The following RIMBP2 variants were observed in gnomAD, a reference collection of about 807,000 sequenced individuals.
The protein encoded by RIMBP2 is RIMS-binding protein 2.
Under a neutral mutation model 118.6 loss-of-function variants are expected in RIMBP2, and 48 were observed. That is an observed-to-expected ratio of 0.40 (90% CI 0.32 to 0.51). RIMBP2 has a LOEUF of 0.51. Among genes scored for constraint, RIMBP2 ranks in the 20% least tolerant of loss-of-function variants. The probability of loss-of-function intolerance (pLI) is 0.41; values close to 1 mark genes in which losing one functional copy is unlikely to be tolerated. For synonymous variants in RIMBP2, 762 were observed against 742.9 expected, an observed-to-expected ratio of 1.03 and a Z score of -0.42; for missense variants, 1,551 against 1,768.3, an observed-to-expected ratio of 0.88 and a Z score of 2.20.
intron 1 of RIMBP2, among the ~76,000 whole-genome samples, chr12:130,690,435 G>A (rs1000530823): frequency 6.6e-6 from 1 of 152,188 alleles, no homozygotes; most frequent in Non-Finnish European, 1.5e-5. Context: ...TTGCCACCAT[G>A]AGGCAAGGAC....
At chr12:130,516,801 T>C (rs2051511449) in intron 3 of RIMBP2, among the ~76,000 whole-genome samples, 1 of 152,054 alleles carries the variant, frequency 6.6e-6, no homozygotes, top group South Asian at 2.1e-4. Flanking sequence ...TGGAAGGCAT[T>C]GGAAGGGTCA....
intron 3 of RIMBP2, among the ~76,000 whole-genome samples, chr12:130,510,108 C>T (rs1403501716): frequency 1.3e-5 from 2 of 152,208 alleles, no homozygotes; most frequent in South Asian, 2.1e-4. Context: ...CTCCAACCTG[C>T]GGACAGGCTG....
rs571112269 is a variant in RIMBP2 at position 130,655,861 on chromosome 12, C to T, written c.-351-27405G>A. On this transcript the variant is annotated intron_variant, in intron 1 of 22. Transcript: ENST00000690449. ...AGAGCAGCTCAGGTCAAGGCACAGG[C>T]GACGGGAATGTGGGCGGAGGCACCA... Among the ~76,000 whole-genome samples, 6 of 152,260 alleles carry T rather than the reference C, an allele frequency of 3.9e-5. No homozygotes were observed. In the South Asian group the frequency reaches 6.2e-4, roughly 16 times the overall value.
Position 130,576,332 on chromosome 12 carries a change from T to A in RIMBP2, c.-217+51990A>T, listed in dbSNP as rs2058083248. Among the ~76,000 whole-genome samples the A allele has an allele frequency of 6.6e-6, 1 of 151,982 alleles. No individual in the cohort carries two copies. Among genetic ancestry groups the A allele is most frequent in the African/African-American group, 2.4e-5 (1 of 41,378 alleles). On this transcript the variant is annotated intron_variant, in intron 2 of 22. Coordinates refer to ENST00000690449, the MANE Select transcript of RIMBP2 (RefSeq NM_001393629.1). The surrounding 1 kb of genome is among the most constrained non-coding windows in gnomAD (Gnocchi z 4.2). Reference sequence around the variant, plus strand: ...CATGGGCATTTGCTTCCAAGAGCAATGGCCCTGCATGCTTTGAGAATCGCT... The same window carrying A: ...CATGGGCATTTGCTTCCAAGAGCAAAGGCCCTGCATGCTTTGAGAATCGCT...
chr12:130,495,272 C>T (rs1313261917), intron 4 of RIMBP2, among the ~76,000 whole-genome samples: 1 of 152,214 alleles, frequency 6.6e-6, no homozygotes, highest in Non-Finnish European at 1.5e-5. Flanking sequence ...TGGATTCATG[C>T]CTCTGGACAC....
At chr12:130,482,732 C>A (rs4759473) in intron 4 of RIMBP2, among the ~76,000 whole-genome samples, 616 of 79,122 alleles carry the variant, frequency 7.8e-3, no homozygotes, top group Middle Eastern at 0.033. Context: ...CACCTCATCC[C>A]AATACACCCA....
intron 1 of RIMBP2, among the ~76,000 whole-genome samples, chr12:130,709,740 C>T (rs1288736317): frequency 6.6e-6 from 1 of 151,916 alleles, no homozygotes; most frequent in Non-Finnish European, 1.5e-5. Flanking sequence ...CCCCTTCCCA[C>T]CCAACCCAGC....
intron 1 of RIMBP2, among the ~76,000 whole-genome samples, chr12:130,645,074 CAA>C (rs1393060667): frequency 6.6e-6 from 1 of 150,992 alleles, no homozygotes; most frequent in African/African-American, 2.5e-5. Flanking sequence ...CAGAAATAGG[CAA>C]AGACTACAAA....
chr12:130,661,205 A>G (rs897611329), intron 1 of RIMBP2, among the ~76,000 whole-genome samples: 2 of 152,118 alleles, frequency 1.3e-5, no homozygotes, highest in Non-Finnish European at 2.9e-5. Context: ...GGACTAATCT[A>G]TTGTTCCTCA....
intron 4 of RIMBP2, among the ~76,000 whole-genome samples, chr12:130,498,649 A>AC (rs1280602106): frequency 6.6e-6 from 1 of 151,656 alleles, no homozygotes; most frequent in African/African-American, 2.4e-5. Context: ...AAAAAAAAAA[A>AC]AACACTCAGT....
rs2074344013 is a variant in RIMBP2 at position 130,399,664 on chromosome 12, A to G, written c.3900+15T>C. ...AACGGGACAGAGATTAAAAAGGCTA[A>G]ATAGGTTTGCTTACCCTTTTTGCCT... On this transcript the variant is annotated intron_variant, in intron 22 of 22. Transcript: ENST00000690449. 1 of 1,613,970 alleles carries G rather than the reference A, an allele frequency of 6.2e-7. No homozygotes were observed. Among genetic ancestry groups the G allele is most frequent in the African/African-American group, 1.3e-5 (1 of 75,034 alleles).
rs150398239 is a variant in RIMBP2 at position 130,417,783 on chromosome 12, C to T, written c.3239-3477G>A. Among the ~76,000 whole-genome samples, 454 of 152,318 alleles carry T rather than the reference C, an allele frequency of 3.0e-3. 3 individuals are homozygous for T. The highest frequency in any genetic ancestry group is 0.011 in the African/African-American group (438 of 41,560). ...AACAATTATTTTGGAAATCCTAATA[C>T]ATATGCATATATATACATGTGGATC... On this transcript the variant is annotated intron_variant, in intron 17 of 22. Coordinates refer to ENST00000690449, the MANE Select transcript of RIMBP2 (RefSeq NM_001393629.1).
intron 2 of RIMBP2, among the ~76,000 whole-genome samples, chr12:130,546,558 A>AGGGAGG (rs2055190471): frequency 6.6e-6 from 1 of 152,132 alleles, no homozygotes; most frequent in Non-Finnish European, 1.5e-5. Flanking sequence ...AGCCTCCCGA[A>AGGGAGG]GTGCTGGGAT....
chr12:130,580,189 C>G (rs2058369316), intron 2 of RIMBP2, among the ~76,000 whole-genome samples: 1 of 99,264 alleles, frequency 1.0e-5, no homozygotes, highest in South Asian at 4.8e-4. Context: ...CAGAGCAAGA[C>G]TCCATTTAAA....
intron 5 of RIMBP2, among the ~76,000 whole-genome samples, chr12:130,476,104 G>C (rs1341593563): frequency 6.6e-6 from 1 of 152,062 alleles, no homozygotes; most frequent in Admixed American, 6.5e-5. Flanking sequence ...TGTGTAGAGG[G>C]GCTGGTGTGG....
intron 4 of RIMBP2, among the ~76,000 whole-genome samples, chr12:130,498,534 G>C (rs1407633120): frequency 1.3e-5 from 2 of 150,842 alleles, no homozygotes; most frequent in Non-Finnish European, 2.9e-5. Flanking sequence ...CAGCAAGGGG[G>C]CCTCTGGTCC....
chr12:130,516,924 G>A (rs1370064921), intron 3 of RIMBP2, among the ~76,000 whole-genome samples: 2 of 152,164 alleles, frequency 1.3e-5, no homozygotes, highest in Non-Finnish European at 2.9e-5. Flanking sequence ...TTTGGCATCT[G>A]GGAAAGAGAA....
At position 130,450,235 on chromosome 12, in the gene RIMBP2, G is replaced by A. The variant is rs776425434; in HGVS notation, c.546C>T (p.Tyr182=). 3.7e-6 allele frequency: 6 copies of A among 1,609,756 alleles called. No homozygotes were observed. The highest frequency in any genetic ancestry group is 2.7e-5 in the African/African-American group (2 of 74,764). The stretch of plus-strand genomic sequence containing the variant: ...CAACACAGAGGTGGACCTTCCCCGA[G>A]TATCTCTGCTTGGAGGTATTGGAAT... ...ERNSNTSKQR[Y]SGKVHLCVAR... is the part of the protein sequence containing the mutation. The change falls in exon 9 of 23, where the codon TAC becomes TAT. Residue 182 remains tyrosine, a synonymous_variant. Coordinates refer to ENST00000690449, the MANE Select transcript of RIMBP2 (RefSeq NM_001393629.1). This position sits in a 1 kb window ranked among gnomAD's most constrained non-coding sequence, Gnocchi z 4.8.
intron 10 of RIMBP2, among the ~76,000 whole-genome samples, chr12:130,444,256 CTGGTGAGAGAG>C (rs1295841960): frequency 6.6e-6 from 1 of 152,136 alleles, no homozygotes; most frequent in Non-Finnish European, 1.5e-5. Context: ...CCAAGAACAG[CTGGTGAGAGAG>C]TGGTGAGCGA....
Sources: allele counts gnomAD v4.1 joint callset (sites outside exome capture counted in the v4.1 genomes callset), GRCh38; gene constraint gnomAD v4.1.1; non-coding constraint Gnocchi (gnomAD v3.1); transcripts MANE v1.5; gene names NCBI Gene and HGNC (gene_info 2026-07-23, HGNC 2026-07-21).